ELMO1: variants seen among roughly 807,000 people sequenced by gnomAD.
ELMO1 encodes the protein engulfment and cell motility 1, also known as engulfment and cell motility protein 1.
Under a neutral mutation model 98.9 loss-of-function variants are expected in ELMO1, and 26 were observed. The ratio of observed to expected loss-of-function variants is 0.26; its 90% CI spans 0.19 to 0.36. The LOEUF (loss-of-function observed/expected upper bound fraction) is 0.36. Among genes scored for constraint, ELMO1 ranks in the 10% least tolerant of loss-of-function variants. The pLI is 1.00. For missense variants in ELMO1, 627 were observed against 935.2 expected (o/e 0.67, Z 4.30); for synonymous variants, 346 against 346.0 (o/e 1.00, Z 0.00).
At chr7:37,308,918 A>G (rs1266183857) in intron 4 of ELMO1, among the ~76,000 whole-genome samples, 1 of 152,180 alleles carries the variant, frequency 6.6e-6, no homozygotes, top group Non-Finnish European at 1.5e-5. Context: ...GGGTAGCAAG[A>G]CATGGGTTTA....
At chr7:36,919,903 T>C (rs1009245420) in intron 16 of ELMO1, among the ~76,000 whole-genome samples, 5 of 152,224 alleles carry the variant, frequency 3.3e-5, no homozygotes, top group African/African-American at 1.2e-4. Flanking sequence ...GCCTTAATTA[T>C]GTGAACCATT....
chr7:37,234,166 T>A (rs576766413), intron 7 of ELMO1, among the ~76,000 whole-genome samples: 1 of 152,330 alleles, frequency 6.6e-6, no homozygotes, highest in African/African-American at 2.4e-5. Context: ...CCAGTCAGGA[T>A]CTGTACACTG....
chr7:37,292,874 G>C (rs1469901565), intron 4 of ELMO1, among the ~76,000 whole-genome samples: 2,728 of 103,410 alleles, frequency 0.026, 139 homozygotes, highest in African/African-American at 0.092. Flanking sequence ...TGGGAAGTGA[G>C]GAGCCCCTCT....
chr7:37,281,929 ACT>A (rs752952827), intron 4 of ELMO1, among the ~76,000 whole-genome samples: 49 of 152,180 alleles, frequency 3.2e-4, no homozygotes, highest in Admixed American at 9.8e-4. Flanking sequence ...TGTCATATTT[ACT>A]CATAGCCAGC....
chr7:36,948,804 C>T (rs959062560), intron 16 of ELMO1, among the ~76,000 whole-genome samples: 16 of 152,298 alleles, frequency 1.1e-4, no homozygotes, highest in East Asian at 3.9e-4. Context: ...TCCCACCATA[C>T]GGCAGAGCCT....
intron 13 of ELMO1, among the ~76,000 whole-genome samples, chr7:37,138,886 G>A (rs1013600175): frequency 6.6e-6 from 1 of 152,244 alleles, no homozygotes; most frequent in Admixed American, 6.5e-5. Context: ...ATGATCAAGT[G>A]GGTTTCATAC....
intron 15 of ELMO1, among the ~76,000 whole-genome samples, chr7:37,078,254 C>T (rs1797688976): frequency 6.6e-6 from 1 of 152,116 alleles, no homozygotes; most frequent in African/African-American, 2.4e-5. Flanking sequence ...AAGGGACCCA[C>T]AAAGGCAAAA....
In ELMO1 at chr7:36,895,356, G is replaced by A. The variant is rs527931612; in HGVS notation, c.1438-339C>T. ...GCTAACTCAAGAGTCAGGAATGAAC[G>A]AAGGCCAAGCAGCAGCTAAAGCCCT... On this transcript the variant is annotated intron_variant, in intron 16 of 21. Coordinates refer to ENST00000310758, the MANE Select transcript of ELMO1 (RefSeq NM_014800.11). Among the ~76,000 whole-genome samples the A allele has an allele frequency of 2.6e-5, 4 of 152,242 alleles. No homozygotes were observed. In the South Asian group the frequency reaches 6.2e-4, roughly 24 times the overall value.
At chr7:37,075,326 T>C (rs1181700799) in intron 15 of ELMO1, among the ~76,000 whole-genome samples, 1 of 151,444 alleles carries the variant, frequency 6.6e-6, no homozygotes, top group Non-Finnish European at 1.5e-5. Flanking sequence ...TTTTTTTTTT[T>C]TTGTATTTTT....
chr7:37,417,175 G>A (rs1444583528), intron 1 of ELMO1, among the ~76,000 whole-genome samples: 1 of 152,186 alleles, frequency 6.6e-6, no homozygotes, highest in Non-Finnish European at 1.5e-5. Flanking sequence ...GACTGGACCA[G>A]AGGCAGCTGT....
chr7:37,222,260 G>T (rs1793637087), intron 10 of ELMO1, among the ~76,000 whole-genome samples: 1 of 152,208 alleles, frequency 6.6e-6, no homozygotes, highest in Non-Finnish European at 1.5e-5. Flanking sequence ...AGCATCCCAT[G>T]AAATGACAGA....
At chr7:37,404,298 C>T (rs980812898) in intron 1 of ELMO1, among the ~76,000 whole-genome samples, 2 of 151,964 alleles carry the variant, frequency 1.3e-5, no homozygotes, top group African/African-American at 4.8e-5. Context: ...ACCTTCACTC[C>T]GTGTGGCAGG....
At chr7:37,228,533 C>T (rs530198708) in intron 8 of ELMO1, among the ~76,000 whole-genome samples, 73 of 152,320 alleles carry the variant, frequency 4.8e-4, no homozygotes, top group Non-Finnish European at 9.3e-4. Flanking sequence ...TAATTATACA[C>T]ACTAGCTCCT....
At chr7:37,298,553 G>A (rs913190957) in intron 4 of ELMO1, among the ~76,000 whole-genome samples, 2 of 147,766 alleles carry the variant, frequency 1.4e-5, no homozygotes, top group African/African-American at 5.0e-5. Context: ...AATATGCGGT[G>A]TTTGGTTTTT....
At chr7:37,439,093 G>A (rs1331851056) in intron 1 of ELMO1, among the ~76,000 whole-genome samples, 2 of 152,178 alleles carry the variant, frequency 1.3e-5, no homozygotes, top group African/African-American at 4.8e-5. Context: ...ATCTGACCAA[G>A]ACCATGTATT....
chr7:36,878,411 C>T (rs1208591929), intron 18 of ELMO1, among the ~76,000 whole-genome samples: 1 of 152,076 alleles, frequency 6.6e-6, no homozygotes, highest in Non-Finnish European at 1.5e-5. Flanking sequence ...TATGTTATCA[C>T]TAATGATAAC....
At chr7:37,219,407 T>G (rs1793473812) in intron 10 of ELMO1, among the ~76,000 whole-genome samples, 1 of 152,090 alleles carries the variant, frequency 6.6e-6, no homozygotes, top group Admixed American at 6.5e-5. Flanking sequence ...CAAAAAAAGA[T>G]GAAATTTTAA....
At chr7:37,187,724 C>T (rs144175059) in intron 13 of ELMO1, among the ~76,000 whole-genome samples, 4 of 152,174 alleles carry the variant, frequency 2.6e-5, no homozygotes, top group Non-Finnish European at 4.4e-5. Context: ...TATACAAGGC[C>T]GCAGGTGCAC....
intron 16 of ELMO1, among the ~76,000 whole-genome samples, chr7:36,925,930 A>G (rs1785533387): frequency 6.6e-6 from 1 of 151,956 alleles, no homozygotes; most frequent in South Asian, 2.1e-4. Flanking sequence ...CCTCTTTTTC[A>G]GTGCAGACCC....
Sources: gnomAD v4.1 joint callset for allele counts (sites outside exome capture counted in the v4.1 genomes callset) on GRCh38, gnomAD v4.1.1 for gene constraint, MANE v1.5 for transcripts, NCBI Gene and HGNC (gene_info 2026-07-23, HGNC 2026-07-21) for gene names.